Variants in OR2C1 observed in about 807,000 individuals in gnomAD.
OR2C1 encodes the protein olfactory receptor 2C1.
For synonymous variants in OR2C1, 209 were observed against 167.3 expected (o/e 1.25, Z -1.92); for missense variants, 468 against 388.3 (o/e 1.21, Z -1.73).
upstream of OR2C1, among the ~76,000 whole-genome samples, chr16:3,354,717 A>G (rs540599693): frequency 9.8e-5 from 15 of 152,290 alleles, no homozygotes; most frequent in South Asian, 2.1e-4. Context: ...TCCAAATACA[A>G]TGTGTCTGCT....
chr16:3,332,200 C>T, the OR2C1 span, among the ~76,000 whole-genome samples: 2 of 151,318 alleles, frequency 1.3e-5, no homozygotes, highest in East Asian at 2.0e-4. Context: ...ACATTGTGCA[C>T]ATGTACCCTA....
the OR2C1 span, among the ~76,000 whole-genome samples, chr16:3,349,038 C>A: frequency 6.6e-6 from 1 of 152,040 alleles, no homozygotes. Context: ...CTGTGTGACC[C>A]TGAGCCTGTC....
At position 3,356,060 on chromosome 16, in the gene OR2C1, T is replaced by C. The variant is rs368494340; in HGVS notation, c.120T>C (p.Leu40=). The change falls in exon 1 of 1, where the codon CTT becomes CTC. Residue 40 remains leucine (L), a synonymous_variant. Transcript: ENST00000304936. ...TCTTCTCCTATTTGCTGACCCTACT[T>C]GGGAACTCAACCATCATCTTGCTTT... ...AILFSYLLTL[L]GNSTIILLSR... 17 of 1,614,032 alleles carry C rather than the reference T, an allele frequency of 1.1e-5. No individual in the cohort carries two copies. The highest frequency in any genetic ancestry group is 1.4e-5 in the Non-Finnish European group (16 of 1,180,020).
At chr16:3,333,810 A>G in the OR2C1 span, among the ~76,000 whole-genome samples, 1 of 152,196 alleles carries the variant, frequency 6.6e-6, no homozygotes, top group Admixed American at 6.5e-5. Context: ...GATTTCTTCT[A>G]GTAATTTCAT....
chr16:3,323,694 C>T, the OR2C1 span: 1 of 684,194 alleles, frequency 1.5e-6, no homozygotes, highest in East Asian at 2.5e-5. Context: ...AATTCCAAGG[C>T]ACGAGGTTTC....
the OR2C1 span, among the ~76,000 whole-genome samples, chr16:3,350,219 C>A: frequency 2.6e-5 from 4 of 151,302 alleles, no homozygotes; most frequent in African/African-American, 7.3e-5. Context: ...CCACGCCCGG[C>A]TAATTTTTGT....
the OR2C1 span, among the ~76,000 whole-genome samples, chr16:3,337,588 G>A: frequency 2.6e-5 from 4 of 151,830 alleles, no homozygotes; most frequent in African/African-American, 9.7e-5. Flanking sequence ...ATTCCTGTTT[G>A]ATTTTTTTTA....
the OR2C1 span, among the ~76,000 whole-genome samples, chr16:3,338,698 T>C: frequency 1.8e-4 from 28 of 152,062 alleles, no homozygotes; most frequent in Non-Finnish European, 3.1e-4. Context: ...CCAGCACGCC[T>C]GGCTAATTTT....
Position 3,357,003 on chromosome 16 carries a change from C to T in OR2C1, c.*124C>T. 1 of 812,930 alleles carries T rather than the reference C, an allele frequency of 1.2e-6. No homozygotes were observed. The highest frequency in any genetic ancestry group is 1.9e-6 in the Non-Finnish European group (1 of 517,392). 50.4% of individuals were successfully genotyped at this position (812,930 alleles called of 1,614,324 possible). A position where few individuals can be genotyped will look rare whatever the true frequency, so the allele number is the denominator to read the frequency against. ...AAACCAAGGCATGTTCCTGACAGCC[C>T]TAAGCTGACAGCCCTAAGCTGTTGG... is the stretch of plus-strand genomic sequence containing the variant. On this transcript the variant is annotated 3_prime_UTR_variant, in exon 1 of 1. Transcript: ENST00000304936.
chr16:3,351,718 C>T (rs1345801616), upstream of OR2C1, among the ~76,000 whole-genome samples: 1 of 152,108 alleles, frequency 6.6e-6, no homozygotes, highest in African/African-American at 2.4e-5. Flanking sequence ...CATGGAACCT[C>T]CTTTTGTTCA....
the OR2C1 span, among the ~76,000 whole-genome samples, chr16:3,343,257 T>C: frequency 6.6e-6 from 1 of 151,910 alleles, no homozygotes; most frequent in Non-Finnish European, 1.5e-5. Flanking sequence ...ACAAAGGAAA[T>C]CTTCAGCTAA....
chr16:3,347,430 G>T, the OR2C1 span, among the ~76,000 whole-genome samples: 1 of 151,596 alleles, frequency 6.6e-6, no homozygotes. Flanking sequence ...TCAAGGTAAT[G>T]CAGGTTTACT....
the OR2C1 span, among the ~76,000 whole-genome samples, chr16:3,333,209 CCATTTTTT>C: frequency 2.0e-4 from 4 of 19,850 alleles, 1 homozygote; most frequent in Non-Finnish European, 3.1e-4. Context: ...GATCTTTTGC[CCATTTTTT>C]TTTTTTTTTT....
chr16:3,327,868 A>G, the OR2C1 span, among the ~76,000 whole-genome samples: 7 of 152,144 alleles, frequency 4.6e-5, no homozygotes, highest in East Asian at 5.8e-4. Context: ...TCTTGAAACA[A>G]TGTGTAAATA....
At chr16:3,328,831 G>C in the OR2C1 span, among the ~76,000 whole-genome samples, 15,524 of 152,150 alleles carry the variant, frequency 0.1, 1,125 homozygotes, top group East Asian at 0.29. Flanking sequence ...TATGCTCTGA[G>C]GGTGTTGCCC....
At chr16:3,340,449 A>T in the OR2C1 span, among the ~76,000 whole-genome samples, 4 of 152,044 alleles carry the variant, frequency 2.6e-5, no homozygotes, top group Admixed American at 2.0e-4. Flanking sequence ...TATGATACAC[A>T]ATGGTTTTTA....
the OR2C1 span, among the ~76,000 whole-genome samples, chr16:3,329,868 C>T: frequency 6.7e-6 from 1 of 149,590 alleles, no homozygotes; most frequent in Non-Finnish European, 1.5e-5. Context: ...GATTCCCCTG[C>T]CTCAGCCTCC....
At chr16:3,332,150 G>A in the OR2C1 span, among the ~76,000 whole-genome samples, 31 of 150,712 alleles carry the variant, frequency 2.1e-4, no homozygotes, top group African/African-American at 4.9e-4. Flanking sequence ...TGGGTGCAGC[G>A]CACCAGCATG....
chr16:3,356,893 C>T lies in OR2C1; in HGVS notation c.*14C>T, dbSNP rs904756499. 14 of 1,537,906 alleles carry T rather than the reference C, an allele frequency of 9.1e-6. No homozygotes were observed. The highest frequency in any genetic ancestry group is 2.7e-5 in the African/African-American group (2 of 73,122). ...GAAGTTGGCTGAGAGAACACTCCTT[C>T]GTTATTTATTGCGTCTTCATCTCTA... On this transcript the variant is annotated 3_prime_UTR_variant, in exon 1 of 1. Transcript: ENST00000304936.
Sources: allele counts gnomAD v4.1 joint callset (sites outside exome capture counted in the v4.1 genomes callset), GRCh38; gene constraint gnomAD v4.1.1; transcripts MANE v1.5; gene names NCBI Gene and HGNC (gene_info 2026-07-23, HGNC 2026-07-21).